YAF2: variants seen among roughly 807,000 people sequenced by gnomAD.
The protein encoded by YAF2 is YY1-associated factor 2.
In YAF2, 7 loss-of-function variants were observed where a neutral mutation model predicts 20.1. The observed-to-expected ratio is 0.35, with a 90% CI of 0.20 to 0.65. The LOEUF (loss-of-function observed/expected upper bound fraction) is 0.65, where lower values mean the gene tolerates loss of function less well. YAF2 is among the 30% of genes least tolerant of loss of function. The probability of loss-of-function intolerance (pLI) is 0.69; values close to 1 mark genes in which losing one functional copy is unlikely to be tolerated. For missense variants in YAF2, 151 were observed against 219.2 expected (o/e 0.69, Z 1.96); for synonymous variants, 74 against 76.0 (o/e 0.97, Z 0.14).
intron 2 of YAF2, chr12:42,234,700 T>A (rs2068090167): frequency 1.0e-6 from 1 of 984,558 alleles, no homozygotes; most frequent in Non-Finnish European, 1.2e-6. Flanking sequence ...CAATAAAGAC[T>A]TTAAAGGGGC....
intron 2 of YAF2, among the ~76,000 whole-genome samples, chr12:42,167,614 T>C (rs2065946102): frequency 6.6e-6 from 1 of 152,250 alleles, no homozygotes; most frequent in Non-Finnish European, 1.5e-5. Context: ...TAACTAATTA[T>C]TTAAATATTA....
At chr12:42,162,261 T>G (rs1300705843) in intron 2 of YAF2, among the ~76,000 whole-genome samples, 1 of 152,218 alleles carries the variant, frequency 6.6e-6, no homozygotes, top group Non-Finnish European at 1.5e-5. Flanking sequence ...GCTTAAATCC[T>G]TTAAGTTTCT....
intron 3 of YAF2, 65 bp downstream of exon 3, chr12:42,161,548 C>A (rs1313703481): frequency 1.4e-6 from 2 of 1,479,332 alleles, no homozygotes; most frequent in Admixed American, 4.9e-5. Flanking sequence ...ATTAGTATGT[C>A]AAGGTTAAAA....
intron 2 of YAF2, among the ~76,000 whole-genome samples, chr12:42,198,143 C>A (rs1160269159): frequency 6.6e-6 from 1 of 152,080 alleles, no homozygotes; most frequent in Non-Finnish European, 1.5e-5. Context: ...TGTAAGGAAT[C>A]TTTCTGGTTC....
chr12:42,235,872 G>A (rs771288919), intron 2 of YAF2: 379 of 1,535,894 alleles, frequency 2.5e-4, no homozygotes, highest in Middle Eastern at 3.3e-4. Flanking sequence ...TCTTCTTCCA[G>A]GTGCCAGGTA....
intron 2 of YAF2, among the ~76,000 whole-genome samples, chr12:42,216,859 C>T (rs192123064): frequency 6.6e-6 from 1 of 152,338 alleles, no homozygotes; most frequent in African/African-American, 2.4e-5. Flanking sequence ...ACACCACTCA[C>T]TCAACTGCTT....
intron 2 of YAF2, among the ~76,000 whole-genome samples, chr12:42,164,661 T>C (rs771990206): frequency 2.0e-5 from 3 of 151,828 alleles, no homozygotes; most frequent in African/African-American, 4.8e-5. Flanking sequence ...TGAAGCGATA[T>C]GGTAAATCTC....
intron 2 of YAF2, among the ~76,000 whole-genome samples, chr12:42,205,535 T>G (rs1009153801): frequency 2.6e-5 from 4 of 152,082 alleles, no homozygotes; most frequent in Non-Finnish European, 5.9e-5. Flanking sequence ...CCATCATGCC[T>G]GGCTAATTTT....
chr12:42,164,727 T>C (rs1051445426), intron 2 of YAF2, among the ~76,000 whole-genome samples: 8 of 151,942 alleles, frequency 5.3e-5, no homozygotes, highest in African/African-American at 9.7e-5. Context: ...GTTGATACTC[T>C]GGCTAACAAA....
chr12:42,199,339 G>T, intron 2 of YAF2: 1 of 523,456 alleles, frequency 1.9e-6, no homozygotes, highest in Non-Finnish European at 2.8e-6. Context: ...CTTTGTTTCA[G>T]GATTTACTCA....
At chr12:42,178,563 T>C (rs1194881348) in intron 2 of YAF2, among the ~76,000 whole-genome samples, 3 of 152,180 alleles carry the variant, frequency 2.0e-5, no homozygotes, top group Non-Finnish European at 4.4e-5. Flanking sequence ...AAATAATCAT[T>C]ATAAATACAT....
At position 42,161,805 on chromosome 12, in the gene YAF2, C is replaced by T. The variant is rs143703386; in HGVS notation, c.153-40G>A. On this transcript the variant is annotated intron_variant, in intron 2 of 3. Coordinates refer to ENST00000534854, the MANE Select transcript of YAF2 (RefSeq NM_005748.6). ...AAAAGAAAGGTATTTTAAATTACAA[C>T]TTAAAACATAAGTGCTTTATGACAG... 1.5e-4 allele frequency: 233 copies of T among 1,543,656 alleles called. 1 individual carries two copies. In the African/African-American group the frequency reaches 2.8e-3, roughly 19 times the overall value.
At chr12:42,161,056 A>C (rs1259041317) in intron 3 of YAF2, 1 of 507,576 alleles carries the variant, frequency 2.0e-6, no homozygotes, top group Non-Finnish European at 3.5e-6. Context: ...ACAGCCTAGA[A>C]GTAGAACTTG....
intron 2 of YAF2, chr12:42,199,187 C>A (rs746025662): frequency 1.2e-5 from 15 of 1,289,264 alleles, no homozygotes; most frequent in Non-Finnish European, 1.5e-5. Context: ...AGGCTTGAGC[C>A]AGCAGGATTG....
At chr12:42,211,981 G>A (rs974583951) in intron 2 of YAF2, among the ~76,000 whole-genome samples, 4 of 151,778 alleles carry the variant, frequency 2.6e-5, no homozygotes, top group East Asian at 1.9e-4. Flanking sequence ...CCCAGAAGGC[G>A]GAGGTTGCAG....
chr12:42,171,835 G>T lies in YAF2; in HGVS notation c.153-10070C>A, dbSNP rs750327100. On this transcript the variant is annotated intron_variant, in intron 2 of 3. Coordinates refer to ENST00000534854, the MANE Select transcript of YAF2 (RefSeq NM_005748.6). ...AAAAATTGGCCAGGTGTACTGGTGC[G>T]TGCCTGTAGTCCCAGCTACCCAGGA... 5.9e-5 allele frequency among the ~76,000 whole-genome samples: 9 copies of T among 151,282 alleles called. No individual in the cohort carries two copies. The East Asian group carries it at 1.6e-3, about 26-fold the overall frequency.
At chr12:42,235,120 C>T (rs1335246340) in intron 2 of YAF2, 1 of 986,014 alleles carries the variant, frequency 1.0e-6, no homozygotes, top group South Asian at 4.7e-5. Context: ...GGCAATGAGG[C>T]AGAATCAGTT....
chr12:42,215,443 AC>A (rs1402429646), intron 2 of YAF2, among the ~76,000 whole-genome samples: 3 of 152,220 alleles, frequency 2.0e-5, no homozygotes, highest in Middle Eastern at 3.2e-3. Context: ...ACTCCAGTGT[AC>A]TTCAGAGATA....
At chr12:42,203,672 T>A (rs1378734201) in intron 2 of YAF2, among the ~76,000 whole-genome samples, 2 of 152,228 alleles carry the variant, frequency 1.3e-5, no homozygotes, top group Non-Finnish European at 2.9e-5. Context: ...TATAAATTGA[T>A]ACAATTTTCA....
Sources: allele counts gnomAD v4.1 joint callset (sites outside exome capture counted in the v4.1 genomes callset), GRCh38; gene constraint gnomAD v4.1.1; transcripts MANE v1.5; gene names NCBI Gene and HGNC (gene_info 2026-07-23, HGNC 2026-07-21).